Variants in LRRC72 observed in about 807,000 individuals in gnomAD.
The protein encoded by LRRC72 is leucine rich repeat containing 72.
A neutral mutation model predicts 35.8 loss-of-function variants in LRRC72; 41 were observed. That is an observed-to-expected ratio of 1.15 (90% confidence interval 0.89 to 1.49). The LOEUF (loss-of-function observed/expected upper bound fraction) is 1.49. LRRC72 is among the 40% of genes most tolerant of loss of function. LRRC72 has a pLI of 0.00. For synonymous variants in LRRC72, 118 were observed against 119.2 expected (o/e 0.99, Z 0.07); for missense variants, 389 against 330.7 (o/e 1.18, Z -1.37).
At chr7:16,544,386 G>A (rs1014052644) in intron 3 of LRRC72, among the ~76,000 whole-genome samples, 2 of 152,120 alleles carry the variant, frequency 1.3e-5, no homozygotes, top group Admixed American at 1.3e-4. Context: ...GGCTTGTTTA[G>A]CTTCATATTG....
chr7:16,559,955 A>G (rs1365142866), intron 5 of LRRC72, among the ~76,000 whole-genome samples: 4 of 152,200 alleles, frequency 2.6e-5, no homozygotes, highest in Admixed American at 6.5e-5. Flanking sequence ...TATATATTGA[A>G]TCACACCCAG....
chr7:16,544,125 T>C (rs1024086117), intron 3 of LRRC72, among the ~76,000 whole-genome samples: 12 of 152,188 alleles, frequency 7.9e-5, no homozygotes, highest in African/African-American at 2.9e-4. Flanking sequence ...TTGTATTTGA[T>C]AGCTGCCTGG....
chr7:16,527,107 C>G, intron 1 of LRRC72, 65 bp downstream of exon 1: 3 of 1,312,888 alleles, frequency 2.3e-6, no homozygotes, highest in Non-Finnish European at 3.2e-6. Context: ...GCCCCACCTC[C>G]TGCCTGAGGA....
rs78551630 is a variant in LRRC72, at chr7:16,551,728, A to C, written c.235-5632A>C. On this transcript the variant is annotated intron_variant, in intron 3 of 8. Transcript: ENST00000401542. Reference sequence around the variant, plus strand: ...CATCCCTTCCCCCATACCTTGCCCTATGCAGCTCTTCATCTGTATCCTTTG... The same window carrying C: ...CATCCCTTCCCCCATACCTTGCCCTCTGCAGCTCTTCATCTGTATCCTTTG... 6.7e-3 allele frequency among the ~76,000 whole-genome samples: 1,020 copies of C among 152,114 alleles called. 5 individuals carry two copies. The highest frequency in any genetic ancestry group is 0.012 in the Non-Finnish European group (832 of 68,008).
intron 3 of LRRC72, among the ~76,000 whole-genome samples, chr7:16,548,110 A>G (rs1037272222): frequency 2.0e-5 from 3 of 152,210 alleles, no homozygotes; most frequent in Non-Finnish European, 2.9e-5. Flanking sequence ...GAGAGGAGCT[A>G]TCTTCTCTGC....
intron 3 of LRRC72, among the ~76,000 whole-genome samples, chr7:16,541,443 T>G (rs1782355235): frequency 6.6e-6 from 1 of 152,186 alleles, no homozygotes; most frequent in Non-Finnish European, 1.5e-5. Flanking sequence ...AAACACCAAC[T>G]AAGTGGAAAA....
Position 16,556,808 on chromosome 7 carries a change from G to A in LRRC72, c.235-552G>A, listed in dbSNP as rs146509764. The stretch of plus-strand genomic sequence containing the variant: ...TCAACAGATTTCTGCAAGTGAAAAC[G>A]TACTGCGGCAGGCCACTCATGCACG... On this transcript the variant is annotated intron_variant, in intron 3 of 8. Transcript: ENST00000401542. 7.9e-5 allele frequency among the ~76,000 whole-genome samples: 12 copies of A among 152,324 alleles called. No individual in the cohort carries two copies. In the East Asian group the frequency reaches 1.7e-3, roughly 22 times the overall value.
intron 3 of LRRC72, among the ~76,000 whole-genome samples, chr7:16,549,144 T>G (rs534563657): frequency 6.6e-6 from 1 of 152,286 alleles, no homozygotes; most frequent in South Asian, 2.1e-4. Flanking sequence ...TGGTCACCAG[T>G]TATAAATTTG....
chr7:16,542,772 T>G lies in LRRC72; in HGVS notation c.234+5076T>G, dbSNP rs1782379213. ...GAGGTGTGTAGCTTTTTTATCTTAG[T>G]AGCTATCTTTTTTAGGAATAGAATG... On this transcript the variant is annotated intron_variant, in intron 3 of 8. Coordinates refer to ENST00000401542, the MANE Select transcript of LRRC72 (RefSeq NM_001195280.2). 2.6e-5 allele frequency among the ~76,000 whole-genome samples: 4 copies of G among 152,208 alleles called. 1 individual carries two copies. The South Asian group carries it at 8.3e-4, about 32-fold the overall frequency.
chr7:16,527,850 T>C (rs925962514), intron 1 of LRRC72, among the ~76,000 whole-genome samples: 2 of 152,190 alleles, frequency 1.3e-5, no homozygotes, highest in African/African-American at 4.8e-5. Context: ...AATACTGACC[T>C]TATTCTTCTA....
chr7:16,552,468 C>T (rs1049249314), intron 3 of LRRC72, among the ~76,000 whole-genome samples: 3 of 152,100 alleles, frequency 2.0e-5, no homozygotes, highest in Non-Finnish European at 2.9e-5. Flanking sequence ...GAGGAGAAAA[C>T]GGAATGCTGA....
At chr7:16,528,048 T>G (rs1429382666) in intron 1 of LRRC72, among the ~76,000 whole-genome samples, 1 of 152,164 alleles carries the variant, frequency 6.6e-6, no homozygotes, top group Non-Finnish European at 1.5e-5. Context: ...CTTTTCACCC[T>G]CTTCAAGCTA....
chr7:16,541,392 A>T (rs758345514), intron 3 of LRRC72, among the ~76,000 whole-genome samples: 2 of 152,256 alleles, frequency 1.3e-5, no homozygotes, highest in Non-Finnish European at 2.9e-5. Context: ...AGCCATGTTT[A>T]TAACAATATT....
chr7:16,563,478 A>G lies in LRRC72; in HGVS notation c.428-2835A>G, dbSNP rs531711403. 2.0e-5 allele frequency among the ~76,000 whole-genome samples: 3 copies of G among 152,306 alleles called. No individual in the cohort carries two copies. In the South Asian group the frequency reaches 6.2e-4, roughly 32 times the overall value. On this transcript the variant is annotated intron_variant, in intron 5 of 8. Coordinates refer to ENST00000401542, the MANE Select transcript of LRRC72 (RefSeq NM_001195280.2). ...TATACTCTGTAAGTAGCCTAGAGGG[A>G]AGGTGGATTAAATAGTATTAACCTA...
At chr7:16,536,702 T>C (rs1258083254) in intron 2 of LRRC72, among the ~76,000 whole-genome samples, 1 of 152,148 alleles carries the variant, frequency 6.6e-6, no homozygotes, top group Non-Finnish European at 1.5e-5. Flanking sequence ...AAAATGTATG[T>C]TTTTATAAAA....
intron 7 of LRRC72, among the ~76,000 whole-genome samples, chr7:16,578,518 A>G (rs553655717): frequency 6.6e-6 from 1 of 152,302 alleles, no homozygotes; most frequent in African/African-American, 2.4e-5. Flanking sequence ...AACAAAAAAC[A>G]AAACCACACA....
At chr7:16,566,896 C>T (rs1008286389) in intron 6 of LRRC72, among the ~76,000 whole-genome samples, 1 of 152,136 alleles carries the variant, frequency 6.6e-6, no homozygotes, top group Non-Finnish European at 1.5e-5. Flanking sequence ...CACATGCACA[C>T]ACACACACAA....
chr7:16,547,826 C>T (rs1237219009), intron 3 of LRRC72, among the ~76,000 whole-genome samples: 1 of 152,248 alleles, frequency 6.6e-6, no homozygotes, highest in Non-Finnish European at 1.5e-5. Context: ...TTGGCATGAA[C>T]AACCTCAGCT....
intron 5 of LRRC72, among the ~76,000 whole-genome samples, chr7:16,562,441 T>G (rs1278728728): frequency 6.6e-6 from 1 of 152,208 alleles, no homozygotes; most frequent in Non-Finnish European, 1.5e-5. Flanking sequence ...TCTCGTTTCT[T>G]TCTAATTTTC....
Sources: allele counts gnomAD v4.1 joint callset (sites outside exome capture counted in the v4.1 genomes callset), GRCh38; gene constraint gnomAD v4.1.1; transcripts MANE v1.5; gene names NCBI Gene and HGNC (gene_info 2026-07-23, HGNC 2026-07-21).